The following CACNA1B variants were observed in gnomAD, a reference collection of about 807,000 sequenced individuals.
CACNA1B encodes the protein calcium voltage-gated channel subunit alpha1 B, also known as voltage-dependent N-type calcium channel subunit alpha-1B.
In CACNA1B, 70 loss-of-function variants were observed where a neutral mutation model predicts 247.2. That is an observed-to-expected ratio of 0.28 (90% CI 0.23 to 0.35). CACNA1B has a LOEUF of 0.35. CACNA1B is among the 10% of genes least tolerant of loss of function. CACNA1B has a pLI of 1.00. For synonymous variants in CACNA1B, 1,231 were observed against 1,294.4 expected (o/e 0.95, Z 1.05); for missense variants, 2,367 against 3,197.4 (o/e 0.74, Z 6.26).
intron 36 of CACNA1B, among the ~76,000 whole-genome samples, chr9:138,091,239 A>G (rs1960868319): frequency 1.3e-5 from 2 of 152,240 alleles, no homozygotes; most frequent in South Asian, 2.1e-4. Flanking sequence ...TTGTGGCAAC[A>G]TGGATGAGCT....
chr9:138,016,732 T>G (rs1184213559), intron 18 of CACNA1B, among the ~76,000 whole-genome samples: 1 of 150,880 alleles, frequency 6.6e-6, no homozygotes, highest in South Asian at 2.1e-4. Context: ...TGCCCCATCT[T>G]GAGGGCCGGG....
intron 23 of CACNA1B, among the ~76,000 whole-genome samples, chr9:138,048,038 A>T (rs1282376714): frequency 1.3e-5 from 2 of 152,118 alleles, no homozygotes; most frequent in Non-Finnish European, 2.9e-5. Context: ...CTGCACGTCC[A>T]TGACTTCCGT....
intron 12 of CACNA1B, among the ~76,000 whole-genome samples, chr9:137,978,780 C>A (rs961755027): frequency 6.6e-6 from 1 of 152,030 alleles, no homozygotes; most frequent in Admixed American, 6.6e-5. Flanking sequence ...TGTGACTGGC[C>A]CCAGGCTGCC....
In CACNA1B at chr9:138,123,377, GAA is replaced by G. The variant is rs1962165181; in HGVS notation, c.*1380_*1381del. On this transcript the variant is annotated 3_prime_UTR_variant, in exon 47 of 47. Coordinates refer to ENST00000371372, the MANE Select transcript of CACNA1B (RefSeq NM_000718.4). The stretch of plus-strand genomic sequence containing the variant: ...GACCCCCATGGCCACGCTCAGGAGA[GAA>G]AGACCATGCTCAGGACACTGTCCAA... 1 of 152,418 alleles carries G rather than the reference GAA, an allele frequency of 6.6e-6. No homozygotes were observed. Among genetic ancestry groups the G allele is most frequent in the East Asian group, 1.9e-4 (1 of 5,204 alleles). The allele number at this position is 152,418 out of a possible 1,614,324, so 9.4% of individuals were successfully genotyped here.
intron 12 of CACNA1B, among the ~76,000 whole-genome samples, chr9:137,978,582 C>T (rs1457401610): frequency 2.0e-5 from 3 of 152,182 alleles, no homozygotes; most frequent in Admixed American, 6.5e-5. Context: ...GTTTGGAGCT[C>T]GGCAGAGTTT....
rs181049648 is a variant in CACNA1B, at chr9:138,122,421, C to T, written c.*422C>T. 1 of 185,010 alleles carries T rather than the reference C, an allele frequency of 5.4e-6. No individual in the cohort carries two copies. The highest frequency in any genetic ancestry group is 5.5e-5 in the Admixed American group (1 of 18,232). 11.5% of individuals were successfully genotyped at this position (185,010 alleles called of 1,614,324 possible). ...GAGAAGCAGGGCCCACCTGAAAGTG[C>T]GCCGAGACCTCGGGACGGAGGGGAT... On this transcript the variant is annotated 3_prime_UTR_variant, in exon 47 of 47. Coordinates refer to ENST00000371372, the MANE Select transcript of CACNA1B (RefSeq NM_000718.4).
In CACNA1B at chr9:137,990,470, G is replaced by C. The variant is rs1217270163; in HGVS notation, c.1974+3616G>C. ...ACTTAATTAGGCTACCTTAGGGCAA[G>C]TTTGCATCCTCTCTACAGGACCTCA... On this transcript the variant is annotated intron_variant, in intron 15 of 46. Transcript: ENST00000371372. This position sits in a 1 kb window ranked among gnomAD's most constrained non-coding sequence, Gnocchi z 4.5. Among the ~76,000 whole-genome samples the C allele has an allele frequency of 6.6e-6, 1 of 152,142 alleles. No homozygotes were observed. Among genetic ancestry groups the C allele is most frequent in the Non-Finnish European group, 1.5e-5 (1 of 68,032 alleles).
At chr9:137,951,245 C>T (rs751472862) in intron 6 of CACNA1B, among the ~76,000 whole-genome samples, 38 of 152,304 alleles carry the variant, frequency 2.5e-4, no homozygotes, top group African/African-American at 8.9e-4. Flanking sequence ...GTTTCGGATC[C>T]AGGAATCTCA....
chr9:137,880,447 T>C lies in CACNA1B; in HGVS notation c.390+1288T>C, dbSNP rs543135940. On this transcript the variant is annotated intron_variant, in intron 2 of 46. Coordinates refer to ENST00000371372, the MANE Select transcript of CACNA1B (RefSeq NM_000718.4). This position sits in a 1 kb window ranked among gnomAD's most constrained non-coding sequence, Gnocchi z 4.8. ...CTTGAGAGGAAACAGGCAGAGAGCC[T>C]TGAATGCCAAGTCACAGGAAGGAGG... 6.6e-6 allele frequency among the ~76,000 whole-genome samples: 1 copy of C among 151,664 alleles called. No individual in the cohort carries two copies. Among genetic ancestry groups the C allele is most frequent in the African/African-American group, 2.4e-5 (1 of 41,326 alleles).
chr9:138,068,612 C>T (rs529047620), intron 31 of CACNA1B: 4 of 518,898 alleles, frequency 7.7e-6, no homozygotes, highest in African/African-American at 7.7e-5. Flanking sequence ...TCCTTGGAAA[C>T]AGAAATCTTT....
At chr9:137,975,775 C>T in intron 11 of CACNA1B, 132 bp from the exon 12 acceptor site, 2 of 693,178 alleles carry the variant, frequency 2.9e-6, no homozygotes, top group South Asian at 3.1e-5. Flanking sequence ...GACTTCAGAG[C>T]ATAGGACCAT....
In CACNA1B at chr9:137,892,939, C is replaced by T. The variant is rs907489021; in HGVS notation, c.530+10056C>T. The stretch of plus-strand genomic sequence containing the variant: ...CAGAGGTGCGTGGGCTCCCAGAGCC[C>T]GACAGGCCTGAAACGCCCAGACACA... On this transcript the variant is annotated intron_variant, in intron 3 of 46. Transcript: ENST00000371372. Among the ~76,000 whole-genome samples the T allele has an allele frequency of 3.9e-5, 6 of 152,298 alleles. No homozygotes were observed. The East Asian group carries it at 1.2e-3, about 29-fold the overall frequency.
rs568434709 is a variant in CACNA1B, at chr9:137,954,727, G to C, written c.1071-971G>C. ...GTCACCTTGCACTGCCTGGGCTGTA[G>C]CAGCTCAGTGCCTAGCGGACACTGG... is the stretch of plus-strand genomic sequence containing the variant. On this transcript the variant is annotated intron_variant, in intron 7 of 46. Transcript: ENST00000371372. The surrounding 1 kb of genome is among the most constrained non-coding windows in gnomAD (Gnocchi z 4.1). Among the ~76,000 whole-genome samples, 1 of 152,244 alleles carries C rather than the reference G, an allele frequency of 6.6e-6. No homozygotes were observed. The highest frequency in any genetic ancestry group is 2.4e-5 in the African/African-American group (1 of 41,536).
intron 1 of CACNA1B, among the ~76,000 whole-genome samples, 178 bp from the exon 2 acceptor site, chr9:137,878,876 G>C (rs1032608864): frequency 6.6e-6 from 1 of 152,184 alleles, no homozygotes; most frequent in Non-Finnish European, 1.5e-5. Context: ...CCGCCCCTAG[G>C]GATGGGGGCA....
intron 15 of CACNA1B, among the ~76,000 whole-genome samples, chr9:137,995,324 A>G (rs1011786542): frequency 6.6e-6 from 1 of 152,232 alleles, no homozygotes; most frequent in Non-Finnish European, 1.5e-5. Context: ...TGGTACTGGT[A>G]TAAAAATAGG....
Position 138,050,569 on chromosome 9 carries a change from T to C in CACNA1B, c.3710+1254T>C, listed in dbSNP as rs1959239103. ...ATGAGAGCTTTGCCAAAGCATCAGC[T>C]TAGGCCTTGGGAGTGGGAACACTGC... is the stretch of plus-strand genomic sequence containing the variant. On this transcript the variant is annotated intron_variant, in intron 24 of 46. Coordinates refer to ENST00000371372, the MANE Select transcript of CACNA1B (RefSeq NM_000718.4). This position sits in a 1 kb window ranked among gnomAD's most constrained non-coding sequence, Gnocchi z 5.2. Among the ~76,000 whole-genome samples, 1 of 152,212 alleles carries C rather than the reference T, an allele frequency of 6.6e-6. No homozygotes were observed. Among genetic ancestry groups the C allele is most frequent in the Admixed American group, 6.5e-5 (1 of 15,288 alleles).
intron 36 of CACNA1B, among the ~76,000 whole-genome samples, chr9:138,079,742 CAAA>C (rs141292393): frequency 4.8e-5 from 2 of 41,830 alleles, no homozygotes. Flanking sequence ...GACTCCATCT[CAAA>C]AAAAAAAAAA....
intron 6 of CACNA1B, among the ~76,000 whole-genome samples, chr9:137,918,043 G>C (rs1474402041): frequency 1.3e-5 from 2 of 152,220 alleles, no homozygotes; most frequent in East Asian, 1.9e-4. Context: ...GGTCACGCAG[G>C]GATTCTTAGA....
chr9:137,907,454 C>T (rs945458624), intron 3 of CACNA1B, among the ~76,000 whole-genome samples: 4 of 152,212 alleles, frequency 2.6e-5, no homozygotes, highest in Non-Finnish European at 4.4e-5. Flanking sequence ...CTCTCCAAAA[C>T]GATTCTACAG....
Sources: allele counts gnomAD v4.1 joint callset (sites outside exome capture counted in the v4.1 genomes callset), GRCh38; gene constraint gnomAD v4.1.1; non-coding constraint Gnocchi (gnomAD v3.1); transcripts MANE v1.5; gene names NCBI Gene and HGNC (gene_info 2026-07-23, HGNC 2026-07-21).